Variants in ZBBX observed in about 807,000 individuals in gnomAD.
ZBBX encodes the protein zinc finger B-box domain-containing protein 1.
In ZBBX, 101 loss-of-function variants were observed where a neutral mutation model predicts 108.5. The ratio of observed to expected loss-of-function variants is 0.93; its 90% CI spans 0.79 to 1.10. The LOEUF is 1.10. Among genes scored for constraint, ZBBX ranks in the 50% least tolerant of loss-of-function variants. The pLI is 0.00. For missense variants in ZBBX, 1,009 were observed against 941.4 expected (o/e 1.07, Z -0.94); for synonymous variants, 356 against 323.4 (o/e 1.10, Z -1.08).
At chr3:167,314,152 G>C in intron 15 of ZBBX, 36 bp from the exon 16 acceptor site, 1 of 1,499,522 alleles carries the variant, frequency 6.7e-7, no homozygotes, top group South Asian at 1.4e-5. Flanking sequence ...TAATAGAGTT[G>C]AAAAAATGAT....
At position 167,276,043 on chromosome 3, in the gene ZBBX, C is replaced by T. The variant is rs113045703; in HGVS notation, c.2254+6195G>A. ...GACTGACACCTCACACGGCCGGGTA[C>T]TCCAACAGACCTGCAGCTGAGGGTC... On this transcript the variant is annotated intron_variant, in intron 20 of 21. Coordinates refer to ENST00000675490, the MANE Select transcript of ZBBX (RefSeq NM_001199201.2). Among the ~76,000 whole-genome samples, 1,096 of 150,640 alleles carry T rather than the reference C, an allele frequency of 7.3e-3. 12 individuals are homozygous for T. The highest frequency in any genetic ancestry group is 0.012 in the Non-Finnish European group (805 of 67,046).
chr3:167,404,486 A>G (rs1748521295), intron 1 of ZBBX, among the ~76,000 whole-genome samples: 1 of 151,860 alleles, frequency 6.6e-6, no homozygotes, highest in South Asian at 2.1e-4. Flanking sequence ...TATTTGGGTG[A>G]TGTCAGCTGG....
the ZBBX span, among the ~76,000 whole-genome samples, chr3:167,226,513 T>C: frequency 2.0e-5 from 3 of 151,718 alleles, no homozygotes; most frequent in South Asian, 4.1e-4. Context: ...GTGAAGAATA[T>C]TGTAGCAGAA....
chr3:167,353,547 G>T (rs142403314), intron 8 of ZBBX, among the ~76,000 whole-genome samples: 2 of 152,076 alleles, frequency 1.3e-5, no homozygotes, highest in East Asian at 3.9e-4. Flanking sequence ...TTACATAGTG[G>T]CTATGATGTT....
chr3:167,407,826 C>T (rs1418888990), exon 1 of ZBBX, among the ~76,000 whole-genome samples: 1 of 151,932 alleles, frequency 6.6e-6, no homozygotes, highest in Non-Finnish European at 1.5e-5. Context: ...CTCTGTGTTG[C>T]TCGAGGGTCA....
At chr3:167,372,318 G>C (rs970747904) in intron 4 of ZBBX, among the ~76,000 whole-genome samples, 43 of 152,142 alleles carry the variant, frequency 2.8e-4, no homozygotes, top group Admixed American at 7.2e-4. Flanking sequence ...GACAAACAGG[G>C]AGCTATACTC....
intron 20 of ZBBX, among the ~76,000 whole-genome samples, chr3:167,260,773 T>C (rs1724369214): frequency 6.6e-6 from 1 of 152,236 alleles, no homozygotes; most frequent in African/African-American, 2.4e-5. Context: ...GGCTTCGCAT[T>C]TCTCTGGTTC....
chr3:167,309,204 T>G (rs1194913792), intron 16 of ZBBX, among the ~76,000 whole-genome samples: 1 of 152,238 alleles, frequency 6.6e-6, no homozygotes, highest in African/African-American at 2.4e-5. Context: ...AAAGGAACAC[T>G]GCCTTTGCCA....
chr3:167,191,934 T>TATATATATAGAGAGAGAGAGAG, the ZBBX span, among the ~76,000 whole-genome samples: 2 of 130,224 alleles, frequency 1.5e-5, no homozygotes, highest in African/African-American at 6.1e-5. Context: ...TATATATATA[T>TATATATATAGAGAGAGAGAGAG]AGAGCAAGTT....
At chr3:167,394,418 C>G (rs1455856035) in intron 1 of ZBBX, among the ~76,000 whole-genome samples, 1 of 151,874 alleles carries the variant, frequency 6.6e-6, no homozygotes, top group Non-Finnish European at 1.5e-5. Context: ...CATATGGACA[C>G]AATTTAGGAT....
intron 12 of ZBBX, among the ~76,000 whole-genome samples, chr3:167,318,275 A>T (rs1250156271): frequency 3.3e-5 from 5 of 152,010 alleles, no homozygotes; most frequent in African/African-American, 7.2e-5. Flanking sequence ...AAGTTCATAA[A>T]GTCCCCATGT....
At chr3:167,259,429 G>C (rs1724077649) in intron 20 of ZBBX, among the ~76,000 whole-genome samples, 1 of 152,010 alleles carries the variant, frequency 6.6e-6, no homozygotes, top group African/African-American at 2.4e-5. Context: ...CCACCTGTTT[G>C]TTTCATTTAT....
intron 17 of ZBBX, among the ~76,000 whole-genome samples, chr3:167,299,277 CTTTAA>C (rs1451369800): frequency 1.3e-5 from 2 of 151,846 alleles, no homozygotes; most frequent in African/African-American, 4.8e-5. Context: ...AAGCAACTTG[CTTTAA>C]TTTTTTATAA....
chr3:167,271,783 C>A (rs143936224), intron 20 of ZBBX, among the ~76,000 whole-genome samples: 13 of 152,186 alleles, frequency 8.5e-5, no homozygotes, highest in African/African-American at 2.9e-4. Context: ...AGTGACTACA[C>A]GGAAATGCCC....
chr3:167,182,846 G>A, the ZBBX span, among the ~76,000 whole-genome samples: 14 of 152,140 alleles, frequency 9.2e-5, no homozygotes, highest in Non-Finnish European at 1.6e-4. Flanking sequence ...AATTCTTTGA[G>A]TAATTTAAAA....
intron 9 of ZBBX, 83 bp downstream of exon 9, chr3:167,350,337 A>G: frequency 1.9e-6 from 2 of 1,032,274 alleles, no homozygotes; most frequent in African/African-American, 1.6e-5. Context: ...CCTGAGTTCT[A>G]GATAACTAAA....
intron 1 of ZBBX, among the ~76,000 whole-genome samples, chr3:167,390,474 T>C (rs1195757084): frequency 6.6e-6 from 1 of 152,122 alleles, no homozygotes; most frequent in African/African-American, 2.4e-5. Context: ...GGGCTCTTTT[T>C]TGGTTCCATA....
At chr3:167,271,525 C>A (rs1282450033) in intron 20 of ZBBX, among the ~76,000 whole-genome samples, 4 of 152,070 alleles carry the variant, frequency 2.6e-5, no homozygotes, top group Non-Finnish European at 5.9e-5. Flanking sequence ...ATTACCAGAC[C>A]AAAGGGAAAT....
chr3:167,289,610 A>G (rs529473734), intron 18 of ZBBX, among the ~76,000 whole-genome samples: 3 of 152,326 alleles, frequency 2.0e-5, no homozygotes, highest in South Asian at 2.1e-4. Context: ...CCCTCAGACC[A>G]GGAGATCCCC....
Sources: allele counts gnomAD v4.1 joint callset (sites outside exome capture counted in the v4.1 genomes callset), GRCh38; gene constraint gnomAD v4.1.1; transcripts MANE v1.5; gene names NCBI Gene and HGNC (gene_info 2026-07-23, HGNC 2026-07-21).